The following MTUS2 variants were observed in gnomAD, a reference collection of about 807,000 sequenced individuals.
MTUS2 encodes the protein microtubule-associated tumor suppressor candidate 2.
MTUS2 carries 40 observed loss-of-function variants against 114.1 expected under a neutral mutation model. The observed-to-expected ratio is 0.35, with a 90% confidence interval of 0.27 to 0.46. MTUS2 has a LOEUF of 0.46. Among genes scored for constraint, MTUS2 ranks in the 20% least tolerant of loss-of-function variants. MTUS2 has a pLI of 1.00. For missense variants in MTUS2, 1,679 were observed against 1,705.4 expected (o/e 0.98, Z 0.27); for synonymous variants, 688 against 672.0 (o/e 1.02, Z -0.37).
chr13:29,084,370 AAAAAC>A (rs1565999012), intron 4 of MTUS2, among the ~76,000 whole-genome samples: 1 of 151,814 alleles, frequency 6.6e-6, no homozygotes, highest in African/African-American at 2.4e-5. Flanking sequence ...CCTTAAAAAA[AAAAAC>A]AAAACAACTG....
intron 5 of MTUS2, among the ~76,000 whole-genome samples, chr13:29,167,245 G>A (rs1270370076): frequency 6.6e-6 from 1 of 151,940 alleles, no homozygotes; most frequent in Admixed American, 6.6e-5. Flanking sequence ...TGTGGTTGCG[G>A]GCGCCTGTAG....
At chr13:29,465,768 A>C (rs73446147) in intron 9 of MTUS2, among the ~76,000 whole-genome samples, 3,455 of 152,320 alleles carry the variant, frequency 0.023, 117 homozygotes, top group African/African-American at 0.074. Flanking sequence ...CTTCGTGAAC[A>C]TAAATACATT....
intron 8 of MTUS2, among the ~76,000 whole-genome samples, chr13:29,424,381 T>C (rs1044477357): frequency 6.6e-5 from 10 of 152,072 alleles, no homozygotes; most frequent in Non-Finnish European, 1.2e-4. Flanking sequence ...GTCACCCCAG[T>C]TGAAGAAAAA....
At chr13:29,306,294 C>G (rs952748406) in intron 6 of MTUS2, among the ~76,000 whole-genome samples, 2 of 152,138 alleles carry the variant, frequency 1.3e-5, no homozygotes, top group African/African-American at 4.8e-5. Flanking sequence ...CCAGGGCAAT[C>G]AGGCAAGAGA....
chr13:29,418,735 T>C (rs966908700), intron 8 of MTUS2, among the ~76,000 whole-genome samples: 4 of 152,222 alleles, frequency 2.6e-5, no homozygotes, highest in African/African-American at 9.6e-5. Flanking sequence ...CACAGAGTTC[T>C]TCTAAGATGT....
At chr13:28,842,655 C>G (rs772750183) in intron 2 of MTUS2, among the ~76,000 whole-genome samples, 1 of 152,046 alleles carries the variant, frequency 6.6e-6, no homozygotes, top group Non-Finnish European at 1.5e-5. Flanking sequence ...AGAAGAGATC[C>G]TTTATGATGA....
intron 2 of MTUS2, among the ~76,000 whole-genome samples, chr13:28,896,411 C>G (rs1399367403): frequency 6.6e-6 from 1 of 152,144 alleles, no homozygotes; most frequent in Non-Finnish European, 1.5e-5. Context: ...AGGATACAAA[C>G]AAATGGAAGA....
In MTUS2 at chr13:29,246,389, A is replaced by G. The variant is rs919874762; in HGVS notation, c.2645-35315A>G. 2.6e-5 allele frequency among the ~76,000 whole-genome samples: 4 copies of G among 152,332 alleles called. No individual in the cohort carries two copies. In the East Asian group the frequency reaches 7.7e-4, roughly 29 times the overall value. On this transcript the variant is annotated intron_variant, in intron 5 of 15. Transcript: ENST00000612955. ...TAGTCCCCAGAAGCAGAAGAGGCCCATGGAGCTCCTCTCCCCGGATCTCCT... is the reference window on the plus strand; with the variant it reads ...TAGTCCCCAGAAGCAGAAGAGGCCCGTGGAGCTCCTCTCCCCGGATCTCCT...
chr13:28,922,865 G>A (rs1307620247), intron 2 of MTUS2, among the ~76,000 whole-genome samples: 1 of 152,116 alleles, frequency 6.6e-6, no homozygotes, highest in Non-Finnish European at 1.5e-5. Context: ...TTCTGTTGGG[G>A]GAACAAATCG....
rs139008231 is a variant in MTUS2 at position 29,065,171 on chromosome 13, G to A, written c.2446+31046G>A. Among the ~76,000 whole-genome samples, 169 of 152,290 alleles carry A rather than the reference G, an allele frequency of 1.1e-3. 1 individual carries two copies. Among genetic ancestry groups the A allele is most frequent in the African/African-American group, 3.9e-3 (163 of 41,568 alleles). ...AATGAGATTGCTGGGTTGAATGGTA[G>A]TTCTGATTTTAGCTCTTTGAGGAAT... On this transcript the variant is annotated intron_variant, in intron 4 of 15. Transcript: ENST00000612955.
chr13:29,245,647 A>C (rs924240970), intron 5 of MTUS2, among the ~76,000 whole-genome samples: 1 of 152,118 alleles, frequency 6.6e-6, no homozygotes, highest in Non-Finnish European at 1.5e-5. Flanking sequence ...GGCCTTAGGC[A>C]TAAAGCTGGA....
chr13:29,214,361 T>A (rs975755182), intron 5 of MTUS2, among the ~76,000 whole-genome samples: 9 of 152,238 alleles, frequency 5.9e-5, no homozygotes, highest in African/African-American at 2.2e-4. Context: ...CAGTTTACAT[T>A]TGCAGTTAAT....
intron 2 of MTUS2, among the ~76,000 whole-genome samples, chr13:28,870,323 AAAC>A (rs1877545530): frequency 2.0e-5 from 3 of 152,308 alleles, no homozygotes; most frequent in South Asian, 4.1e-4. Flanking sequence ...TTCAGTAGTA[AAAC>A]AACAACAATC....
At chr13:29,205,912 T>A (rs1895165637) in intron 5 of MTUS2, among the ~76,000 whole-genome samples, 1 of 152,240 alleles carries the variant, frequency 6.6e-6, no homozygotes, top group African/African-American at 2.4e-5. Flanking sequence ...TGTTTTCCTC[T>A]GGGTAGATAC....
At chr13:29,038,639 A>G (rs1887193166) in intron 4 of MTUS2, among the ~76,000 whole-genome samples, 1 of 152,190 alleles carries the variant, frequency 6.6e-6, no homozygotes. Context: ...AGCTGCACCC[A>G]CAGCTGCCCC....
intron 8 of MTUS2, among the ~76,000 whole-genome samples, chr13:29,373,471 G>A (rs1319910516): frequency 6.6e-6 from 1 of 152,186 alleles, no homozygotes; most frequent in Non-Finnish European, 1.5e-5. Flanking sequence ...GGCAAAGGAG[G>A]AACGTGGGAA....
At chr13:29,394,673 C>T (rs1265273255) in intron 8 of MTUS2, among the ~76,000 whole-genome samples, 2 of 152,222 alleles carry the variant, frequency 1.3e-5, no homozygotes, top group African/African-American at 4.8e-5. Context: ...CGAACTGGTA[C>T]CCATCCTGGT....
At chr13:29,151,472 G>A (rs961382285) in intron 5 of MTUS2, among the ~76,000 whole-genome samples, 5 of 152,036 alleles carry the variant, frequency 3.3e-5, no homozygotes, top group African/African-American at 7.2e-5. Flanking sequence ...GTATATGATC[G>A]TATCAGTGAA....
chr13:29,292,264 G>A (rs1232482360), intron 6 of MTUS2, among the ~76,000 whole-genome samples: 1 of 152,170 alleles, frequency 6.6e-6, no homozygotes, highest in South Asian at 2.1e-4. Context: ...GCATGTCAAC[G>A]TCACCTGCTC....
Sources: gnomAD v4.1 joint callset for allele counts (sites outside exome capture counted in the v4.1 genomes callset) on GRCh38, gnomAD v4.1.1 for gene constraint, MANE v1.5 for transcripts, NCBI Gene and HGNC (gene_info 2026-07-23, HGNC 2026-07-21) for gene names.